Variants in BRCA1 observed in about 807,000 individuals in gnomAD.
BRCA1 encodes the protein BRCA1 DNA repair associated, also known as breast cancer type 1 susceptibility protein.
Under a neutral mutation model 173.7 loss-of-function variants are expected in BRCA1, and 140 were observed. That is an observed-to-expected ratio of 0.81 (90% CI 0.70 to 0.93). The LOEUF is 0.93. Among genes scored for constraint, BRCA1 ranks in the 40% least tolerant of loss-of-function variants. The pLI is 0.00. For missense variants in BRCA1, 1,983 were observed against 2,172.5 expected (o/e 0.91, Z 1.73); for synonymous variants, 662 against 756.0 (o/e 0.88, Z 2.04).
chr17:43,063,014 C>G (rs950997105), intron 18 of BRCA1, among the ~76,000 whole-genome samples: 7 of 152,250 alleles, frequency 4.6e-5, no homozygotes, highest in Admixed American at 6.5e-5. Flanking sequence ...CCTCAGCCTC[C>G]CGAGTAGCTG....
At chr17:43,153,244 A>G (rs1474189471) in intron 1 of BRCA1, among the ~76,000 whole-genome samples, 1 of 152,138 alleles carries the variant, frequency 6.6e-6, no homozygotes, top group Admixed American at 6.6e-5. Context: ...AAATTAAAGA[A>G]CGTGTAAGCA....
intron 3 of BRCA1, among the ~76,000 whole-genome samples, chr17:43,114,704 G>A (rs925624494): frequency 3.9e-5 from 6 of 152,012 alleles, no homozygotes; most frequent in East Asian, 3.9e-4. Context: ...ATACCTTTTT[G>A]TGCTAATAAA....
intron 22 of BRCA1, 80 bp from the exon 23 acceptor site, chr17:43,045,882 C>G (rs2152632478): frequency 6.3e-7 from 1 of 1,585,700 alleles, no homozygotes; most frequent in East Asian, 2.2e-5. Context: ...CTCCAGGGTC[C>G]TGGTTGTATG....
chr17:43,101,573 G>C (rs917903028), intron 6 of BRCA1, among the ~76,000 whole-genome samples: 1 of 152,016 alleles, frequency 6.6e-6, no homozygotes, highest in African/African-American at 2.4e-5. Context: ...CGCGATCTTG[G>C]CTCGCTGCAA....
upstream of BRCA1, among the ~76,000 whole-genome samples, chr17:43,129,473 T>G (rs1567826743): frequency 6.6e-6 from 1 of 152,206 alleles, no homozygotes; most frequent in African/African-American, 2.4e-5. Context: ...TGTTTCTTTT[T>G]TTTCTTTTTT....
chr17:43,169,205 G>A (rs2056296288), intron 1 of BRCA1, among the ~76,000 whole-genome samples: 2 of 152,134 alleles, frequency 1.3e-5, no homozygotes, highest in African/African-American at 2.4e-5. Flanking sequence ...TTGAGACGGA[G>A]TGTCGTTCTG....
intron 8 of BRCA1, among the ~76,000 whole-genome samples, chr17:43,096,550 A>C (rs1470056955): frequency 6.8e-6 from 1 of 147,354 alleles, no homozygotes; most frequent in African/African-American, 2.5e-5. Flanking sequence ...CCATCCTGGC[A>C]ACAGGGCAAG....
intron 12 of BRCA1, chr17:43,079,813 G>A (rs2052920934): frequency 1.3e-6 from 1 of 755,248 alleles, no homozygotes; most frequent in Non-Finnish European, 2.3e-6. Flanking sequence ...AAGACCTTTG[G>A]ACTGTAAAAA....
chr17:43,150,693 A>G (rs1339168657), intron 1 of BRCA1, among the ~76,000 whole-genome samples: 2 of 152,154 alleles, frequency 1.3e-5, no homozygotes, highest in African/African-American at 4.8e-5. Context: ...TGGGAGGTCC[A>G]TAAGTCCCTG....
intron 16 of BRCA1, among the ~76,000 whole-genome samples, chr17:43,064,543 G>A (rs1178812746): frequency 6.6e-6 from 1 of 152,110 alleles, no homozygotes; most frequent in Non-Finnish European, 1.5e-5. Context: ...TGTTTCAAAG[G>A]CCCTTCTGAA....
At chr17:43,120,881 G>A (rs1187125814) in intron 2 of BRCA1, among the ~76,000 whole-genome samples, 1 of 150,470 alleles carries the variant, frequency 6.6e-6, no homozygotes, top group African/African-American at 2.5e-5. Context: ...CCTGACCAAC[G>A]TGATGAAACC....
chr17:43,063,366 G>C lies in BRCA1; in HGVS notation c.5160C>G (p.Thr1720=), dbSNP rs376736915. The C allele has an allele frequency of 6.2e-7, 1 of 1,611,210 alleles. No individual in the cohort carries two copies. Among genetic ancestry groups the C allele is most frequent in the Non-Finnish European group, 8.5e-7 (1 of 1,177,834 alleles). Residue 1720 remains threonine (T), a synonymous_variant, in exon 18 of 23, where the codon ACC becomes ACG. Coordinates refer to ENST00000357654, the MANE Select transcript of BRCA1 (RefSeq NM_007294.4). ...GKWVVSYFWV[T]QSIKERKMLN... ...GCATTTTTCTTTCTTTAATAGACTG[G>C]GTCACCCCTAAAGAGATCATAGAAA...
intron 1 of BRCA1, among the ~76,000 whole-genome samples, chr17:43,135,776 C>T (rs1321847859): frequency 6.6e-6 from 1 of 152,212 alleles, no homozygotes; most frequent in East Asian, 1.9e-4. Context: ...TGAATCGCAA[C>T]AGCATCTCCC....
At position 43,074,347 on chromosome 17, in the gene BRCA1, CAAGT is replaced by C. The variant is rs80357561; in HGVS notation, c.4655_4658del (p.Tyr1552CysfsTer6). 6.2e-7 allele frequency: 1 copy of C among 1,614,020 alleles called. No homozygotes were observed. Among genetic ancestry groups the C allele is most frequent in the Non-Finnish European group, 8.5e-7 (1 of 1,179,920 alleles). ...AAATATTACCTAGATCTTGCCTTGG[CAAGT>C]AAGATGTTTCCGTCAAATCGTGTGG... is the stretch of plus-strand genomic sequence containing the variant. On this transcript the variant is annotated frameshift_variant, in exon 14 of 23. Coordinates refer to ENST00000357654, the MANE Select transcript of BRCA1 (RefSeq NM_007294.4). LOFTEE classifies it high-confidence loss of function.
In BRCA1 at chr17:43,115,703, C is replaced by T. The variant is rs781568696; in HGVS notation, c.134+23G>A. 7 of 1,609,086 alleles carry T rather than the reference C, an allele frequency of 4.4e-6. No individual in the cohort carries two copies. The South Asian group carries it at 7.7e-5, about 18-fold the overall frequency. On this transcript the variant is annotated intron_variant, in intron 3 of 22. Coordinates refer to ENST00000357654, the MANE Select transcript of BRCA1 (RefSeq NM_007294.4). ...ACAAAAACAAAAGCTAATAATGGAG[C>T]CACATAACACATTCAAACTTACTTG... is the stretch of plus-strand genomic sequence containing the variant.
rs544120795 is a variant in BRCA1, at chr17:43,081,164, C to T, written c.4357+1240G>A. Among the ~76,000 whole-genome samples, 9 of 152,282 alleles carry T rather than the reference C, an allele frequency of 5.9e-5. No individual in the cohort carries two copies. The East Asian group carries it at 1.7e-3, about 29-fold the overall frequency. On this transcript the variant is annotated intron_variant, in intron 12 of 22. Transcript: ENST00000357654. Reference sequence around the variant, plus strand: ...AATCTTACACATTATAATTGAAAGTCTAGTCTGTGTTTAGACTGAAGATGG... The same window carrying T: ...AATCTTACACATTATAATTGAAAGTTTAGTCTGTGTTTAGACTGAAGATGG...
chr17:43,054,190 GA>G (rs2051365617), intron 19 of BRCA1, among the ~76,000 whole-genome samples: 1 of 152,164 alleles, frequency 6.6e-6, no homozygotes, highest in Non-Finnish European at 1.5e-5. Context: ...TACAGTGGAG[GA>G]AAAACAGAGG....
intron 4 of BRCA1, among the ~76,000 whole-genome samples, chr17:43,105,535 C>G (rs2054724638): frequency 6.6e-6 from 1 of 152,108 alleles, no homozygotes; most frequent in Non-Finnish European, 1.5e-5. Context: ...GCAATCACAC[C>G]CTGCTGAGCT....
chr17:43,132,425 C>T (rs2154581338), intron 1 of BRCA1, among the ~76,000 whole-genome samples: 1 of 152,258 alleles, frequency 6.6e-6, no homozygotes, highest in South Asian at 2.1e-4. Flanking sequence ...AGATCCAAAC[C>T]TAAGCAGCCC....
Sources: allele counts gnomAD v4.1 joint callset (sites outside exome capture counted in the v4.1 genomes callset), GRCh38; gene constraint gnomAD v4.1.1; transcripts MANE v1.5; gene names NCBI Gene and HGNC (gene_info 2026-07-23, HGNC 2026-07-21).